ZNF765: variants seen among roughly 807,000 people sequenced by gnomAD.
ZNF765 encodes zinc finger protein 765.
Under a neutral mutation model 44.7 loss-of-function variants are expected in ZNF765, and 37 were observed. The ratio of observed to expected loss-of-function variants is 0.83; its 90% CI spans 0.64 to 1.09. ZNF765 has a LOEUF of 1.09. Among genes scored for constraint, ZNF765 ranks in the 50% least tolerant of loss-of-function variants. The pLI is 0.00. For missense variants in ZNF765, 594 were observed against 626.1 expected, an observed-to-expected ratio of 0.95 and a Z score of 0.55; for synonymous variants, 201 against 213.7, an observed-to-expected ratio of 0.94 and a Z score of 0.52.
At chr19:53,425,003 T>C (rs1225417192) in exon 4 of ZNF765, 1 of 152,118 alleles carries the variant, frequency 6.6e-6, no homozygotes, top group Non-Finnish European at 1.5e-5. Context: ...GGGACTGTTG[T>C]GTGAGAGGGA....
At chr19:53,396,378 G>C (rs1165990718) in intron 1 of ZNF765, among the ~76,000 whole-genome samples, 1 of 152,178 alleles carries the variant, frequency 6.6e-6, no homozygotes, top group Non-Finnish European at 1.5e-5. Flanking sequence ...GGTACGCACC[G>C]GCTCAGTGGA....
intron 2 of ZNF765, among the ~76,000 whole-genome samples, chr19:53,399,490 A>T (rs536255901): frequency 1.3e-5 from 2 of 152,024 alleles, no homozygotes; most frequent in South Asian, 4.2e-4. Context: ...TTTAGAAAAA[A>T]TTATTCAATA....
At chr19:53,421,219 C>T (rs4803108) in intron 3 of ZNF765, among the ~76,000 whole-genome samples, 140,264 of 152,176 alleles carry the variant, frequency 0.92, 65,005 homozygotes, top group Middle Eastern at 0.98. Flanking sequence ...GAGACACCTT[C>T]GCTCACATGT....
intron 2 of ZNF765, among the ~76,000 whole-genome samples, chr19:53,398,323 G>C (rs1440711929): frequency 6.6e-6 from 1 of 152,184 alleles, no homozygotes; most frequent in African/African-American, 2.4e-5. Context: ...AGCAGGGATT[G>C]TTCAGGGGCT....
Position 53,409,503 on chromosome 19 carries a change from C to G in ZNF765, c.*376C>G, listed in dbSNP as rs867012972. ...TCAGCCAGACCTCATCCCTTACATG[C>G]CATTGTAGACTTCGTACTGGAGAGA... is the stretch of plus-strand genomic sequence containing the variant. On this transcript the variant is annotated 3_prime_UTR_variant, in exon 4 of 4. Transcript: ENST00000396408. 1.0e-6 allele frequency: 1 copy of G among 989,130 alleles called. No individual in the cohort carries two copies. The highest frequency in any genetic ancestry group is 1.6e-6 in the Non-Finnish European group (1 of 616,166). 61.3% of individuals were successfully genotyped at this position (989,130 alleles called of 1,614,324 possible). A position where few individuals can be genotyped will look rare whatever the true frequency, so the allele number is the denominator to read the frequency against.
chr19:53,420,149 T>G (rs1237772308), intron 3 of ZNF765, among the ~76,000 whole-genome samples: 1 of 152,024 alleles, frequency 6.6e-6, no homozygotes, highest in Non-Finnish European at 1.5e-5. Flanking sequence ...CTGGCCAACT[T>G]GGTGAATCCC....
At chr19:53,423,021 C>T (rs766127893) in intron 3 of ZNF765, 4 of 686,478 alleles carry the variant, frequency 5.8e-6, no homozygotes, top group African/African-American at 1.8e-5. Flanking sequence ...TAGGCATTTC[C>T]GGAGTGATTC....
At position 53,409,332 on chromosome 19, in the gene ZNF765, G is replaced by A; in HGVS notation, c.*205G>A. 1.2e-6 allele frequency: 1 copy of A among 855,982 alleles called. No homozygotes were observed. The highest frequency in any genetic ancestry group is 2.0e-6 in the Non-Finnish European group (1 of 500,104). The allele number at this position is 855,982 out of a possible 1,614,324, so 53.0% of individuals were successfully genotyped here. A position where few individuals can be genotyped will look rare whatever the true frequency, so the allele number is the denominator to read the frequency against. On this transcript the variant is annotated 3_prime_UTR_variant, in exon 4 of 4. Coordinates refer to ENST00000396408, the MANE Select transcript of ZNF765 (RefSeq NM_001040185.3). ...GACCTTGAGTCATACGTCATCTTTT[G>A]TGTACCATCATAAACTTCATAGTGG...
intron 3 of ZNF765, among the ~76,000 whole-genome samples, chr19:53,404,020 A>G (rs2085753029): frequency 1.3e-5 from 2 of 152,240 alleles, no homozygotes; most frequent in South Asian, 2.1e-4. Context: ...TGAATTATCT[A>G]GAGAAGGTAT....
downstream of ZNF765, among the ~76,000 whole-genome samples, chr19:53,415,127 T>G (rs953122271): frequency 1.6e-4 from 24 of 151,918 alleles, no homozygotes; most frequent in African/African-American, 4.1e-4. Flanking sequence ...AAAATTAGCC[T>G]GGCATGGTGG....
At chr19:53,395,287 C>A (rs2085655658) in intron 1 of ZNF765, 94 bp downstream of exon 1, 1 of 152,370 alleles carries the variant, frequency 6.6e-6, no homozygotes, top group Admixed American at 6.5e-5. Context: ...CCTGGAAATT[C>A]TCAGCCGTCT....
chr19:53,396,113 C>T (rs562824444), intron 1 of ZNF765, among the ~76,000 whole-genome samples: 1 of 151,964 alleles, frequency 6.6e-6, no homozygotes, highest in Non-Finnish European at 1.5e-5. Flanking sequence ...GAGGGAGGCT[C>T]ATCAGAGTGA....
At chr19:53,400,154 C>T (rs1312083550) in intron 2 of ZNF765, among the ~76,000 whole-genome samples, 1 of 152,152 alleles carries the variant, frequency 6.6e-6, no homozygotes, top group Non-Finnish European at 1.5e-5. Flanking sequence ...CTCCCACCCT[C>T]CACCCTCAAG....
intron 3 of ZNF765, among the ~76,000 whole-genome samples, chr19:53,418,051 G>A (rs886086041): frequency 5.9e-5 from 9 of 152,132 alleles, no homozygotes; most frequent in Admixed American, 1.3e-4. Flanking sequence ...GATGCTACCC[G>A]CGAATTAGTA....
At chr19:53,418,755 A>G (rs1423824408) in intron 3 of ZNF765, among the ~76,000 whole-genome samples, 2 of 151,864 alleles carry the variant, frequency 1.3e-5, no homozygotes, top group African/African-American at 4.8e-5. Flanking sequence ...AAATACAAAA[A>G]TTAGCCGGGC....
chr19:53,416,574 A>G (rs760069905), downstream of ZNF765, among the ~76,000 whole-genome samples: 14 of 152,158 alleles, frequency 9.2e-5, no homozygotes, highest in South Asian at 6.2e-4. Context: ...TAATTTGTCA[A>G]TCTAGCTAGA....
At position 53,401,908 on chromosome 19, in the gene ZNF765, A is replaced by T. The variant is rs765988208; in HGVS notation, c.16-157A>T. On this transcript the variant is annotated intron_variant, in intron 2 of 3. Coordinates refer to ENST00000396408, the MANE Select transcript of ZNF765 (RefSeq NM_001040185.3). ...AAAAAAAAGAACTTTAGTAAACACAACTGGGAAGACAAAATGCGGTGAAAA... is the reference window on the plus strand; with the variant it reads ...AAAAAAAAGAACTTTAGTAAACACATCTGGGAAGACAAAATGCGGTGAAAA... The T allele has an allele frequency of 3.2e-6, 5 of 1,570,634 alleles. No individual in the cohort carries two copies. In the East Asian group the frequency reaches 9.0e-5, roughly 28 times the overall value.
chr19:53,397,450 G>C (rs2085682606), intron 1 of ZNF765, among the ~76,000 whole-genome samples: 1 of 152,156 alleles, frequency 6.6e-6, no homozygotes, highest in South Asian at 2.1e-4. Context: ...TGTTGGCCAG[G>C]CTGGTCTCGA....
intron 3 of ZNF765, among the ~76,000 whole-genome samples, chr19:53,404,437 T>C (rs1002204003): frequency 2.0e-5 from 3 of 152,144 alleles, no homozygotes; most frequent in African/African-American, 7.2e-5. Flanking sequence ...AGATACTCTT[T>C]AGAATTCTTT....
Sources: gnomAD v4.1 joint callset for allele counts (sites outside exome capture counted in the v4.1 genomes callset) on GRCh38, gnomAD v4.1.1 for gene constraint, MANE v1.5 for transcripts, NCBI Gene and HGNC (gene_info 2026-07-23, HGNC 2026-07-21) for gene names.